GNB1: variants seen among roughly 807,000 people sequenced by gnomAD.
The protein encoded by GNB1 is G protein subunit beta 1.
GNB1 carries 2 observed loss-of-function variants against 42.9 expected under a neutral mutation model. The ratio of observed to expected loss-of-function variants is 0.05; its 90% CI spans 0.02 to 0.15. The LOEUF is 0.15. GNB1 is among the 10% of genes least tolerant of loss of function. The pLI, the probability that GNB1 is intolerant of heterozygous loss-of-function variation, is 1.00. For synonymous variants in GNB1, 183 were observed against 174.7 expected, an observed-to-expected ratio of 1.05 and a Z score of -0.38; for missense variants, 193 against 462.2, an observed-to-expected ratio of 0.42 and a Z score of 5.34.
At chr1:1,817,053 A>G (rs1646867912) in intron 4 of GNB1, among the ~76,000 whole-genome samples, 1 of 152,178 alleles carries the variant, frequency 6.6e-6, no homozygotes, top group Admixed American at 6.5e-5. Flanking sequence ...ACCATCTTCC[A>G]AAAGGAGACC....
intron 1 of GNB1, among the ~76,000 whole-genome samples, chr1:1,884,925 T>A (rs1318108064): frequency 4.0e-5 from 6 of 149,508 alleles, no homozygotes; most frequent in Non-Finnish European, 8.9e-5. Flanking sequence ...CATCGTGATC[T>A]GCCCGCCTGG....
chr1:1,874,295 CCT>C (rs1010594957), intron 1 of GNB1, among the ~76,000 whole-genome samples: 2 of 152,096 alleles, frequency 1.3e-5, no homozygotes, highest in Non-Finnish European at 1.5e-5. Context: ...ATGGCAAAAC[CCT>C]GTCTCTACTA....
At chr1:1,836,081 C>A (rs931603299) in intron 2 of GNB1, among the ~76,000 whole-genome samples, 3 of 151,840 alleles carry the variant, frequency 2.0e-5, no homozygotes, top group Admixed American at 2.0e-4. Flanking sequence ...CAGAGTGAGA[C>A]CCTATTTCAA....
At chr1:1,865,511 G>A (rs1472924829) in intron 1 of GNB1, among the ~76,000 whole-genome samples, 4 of 152,048 alleles carry the variant, frequency 2.6e-5, no homozygotes, top group African/African-American at 7.2e-5. Context: ...GCTTGAACCC[G>A]GGAAGCAGAG....
chr1:1,861,933 G>C (rs1228771657), intron 1 of GNB1, among the ~76,000 whole-genome samples: 1 of 152,174 alleles, frequency 6.6e-6, no homozygotes, highest in Non-Finnish European at 1.5e-5. Flanking sequence ...GGGCGCAGTG[G>C]CTCACGCCTG....
At chr1:1,813,057 A>G (rs1053186767) in intron 5 of GNB1, among the ~76,000 whole-genome samples, 1 of 152,168 alleles carries the variant, frequency 6.6e-6, no homozygotes, top group Non-Finnish European at 1.5e-5. Context: ...CAGTGTTCCC[A>G]CACATGGAGG....
At chr1:1,861,000 T>C (rs956289253) in intron 1 of GNB1, among the ~76,000 whole-genome samples, 5 of 149,466 alleles carry the variant, frequency 3.3e-5, no homozygotes, top group African/African-American at 4.9e-5. Flanking sequence ...CCCAGCTACT[T>C]GGGAGGCTGA....
intron 7 of GNB1, among the ~76,000 whole-genome samples, chr1:1,800,565 C>T (rs1646610413): frequency 6.6e-6 from 1 of 152,078 alleles, no homozygotes; most frequent in African/African-American, 2.4e-5. Flanking sequence ...AGCACAGATG[C>T]GTGTGTATTG....
intron 2 of GNB1, 99 bp from the exon 3 acceptor site, chr1:1,825,598 C>T: frequency 1.4e-6 from 1 of 713,100 alleles, no homozygotes; most frequent in East Asian, 2.6e-5. Context: ...GGCGTGGTGG[C>T]TCAAGCCTGT....
intron 1 of GNB1, among the ~76,000 whole-genome samples, chr1:1,888,527 C>G (rs999151434): frequency 2.0e-5 from 3 of 152,294 alleles, no homozygotes; most frequent in African/African-American, 7.2e-5. Context: ...TTCTGCGCAG[C>G]TCTAATCGTT....
At chr1:1,861,480 A>AT (rs1192327307) in intron 1 of GNB1, among the ~76,000 whole-genome samples, 1 of 151,920 alleles carries the variant, frequency 6.6e-6, no homozygotes, top group South Asian at 2.1e-4. Context: ...AATAATAATA[A>AT]AAACCCAGCA....
intron 3 of GNB1, among the ~76,000 whole-genome samples, chr1:1,821,294 T>C (rs1373619787): frequency 1.3e-5 from 2 of 152,232 alleles, no homozygotes; most frequent in African/African-American, 2.4e-5. Flanking sequence ...CCTGTGGAGC[T>C]TTCCTTACTC....
intron 6 of GNB1, among the ~76,000 whole-genome samples, chr1:1,804,783 A>G (rs1426851372): frequency 6.6e-6 from 1 of 152,244 alleles, no homozygotes; most frequent in African/African-American, 2.4e-5. Context: ...CATGGGATTC[A>G]AATTCAATCC....
At chr1:1,788,028 C>CAA (rs1195576405) in intron 10 of GNB1, 34 of 72,302 alleles carry the variant, frequency 4.7e-4, no homozygotes, top group South Asian at 4.7e-4. Context: ...GACTCCATCT[C>CAA]AAAAAAAAAA....
intron 8 of GNB1, among the ~76,000 whole-genome samples, chr1:1,791,195 G>A (rs563094752): frequency 3.7e-5 from 5 of 136,244 alleles, no homozygotes; most frequent in Non-Finnish European, 7.8e-5. Flanking sequence ...TTTTGAGACC[G>A]AATTTCACTC....
At chr1:1,849,640 G>T (rs980552852) in intron 1 of GNB1, among the ~76,000 whole-genome samples, 1 of 152,018 alleles carries the variant, frequency 6.6e-6, no homozygotes, top group Admixed American at 6.6e-5. Flanking sequence ...GGGCTCAAGT[G>T]AGTCTGCCAC....
chr1:1,886,729 C>T lies in GNB1; in HGVS notation c.-96+4091G>A, dbSNP rs571949721. 1.2e-4 allele frequency among the ~76,000 whole-genome samples: 18 copies of T among 152,200 alleles called. 1 individual carries two copies. The highest frequency in any genetic ancestry group is 9.8e-4 in the Admixed American group (15 of 15,278). Reference sequence around the variant, plus strand: ...TTTTTTTTATTTTTATTTTTTGAGACGGAGTCTCGCTGTGTCGCCCAGGCT... The same window carrying T: ...TTTTTTTTATTTTTATTTTTTGAGATGGAGTCTCGCTGTGTCGCCCAGGCT... On this transcript the variant is annotated intron_variant, in intron 1 of 11. Coordinates refer to ENST00000378609, the MANE Select transcript of GNB1 (RefSeq NM_002074.5).
At chr1:1,808,984 T>C (rs562451786) in intron 5 of GNB1, among the ~76,000 whole-genome samples, 1 of 152,248 alleles carries the variant, frequency 6.6e-6, no homozygotes, top group South Asian at 2.1e-4. Context: ...ATATGTGGCT[T>C]CTTAAAGCTG....
chr1:1,796,192 T>A (rs978355610), intron 7 of GNB1, among the ~76,000 whole-genome samples: 13 of 152,182 alleles, frequency 8.5e-5, no homozygotes, highest in African/African-American at 3.1e-4. Flanking sequence ...TGTCTGTGCA[T>A]GTTCAGGTTG....
Sources: gnomAD v4.1 joint callset for allele counts (sites outside exome capture counted in the v4.1 genomes callset) on GRCh38, gnomAD v4.1.1 for gene constraint, MANE v1.5 for transcripts, NCBI Gene and HGNC (gene_info 2026-07-23, HGNC 2026-07-21) for gene names.